Variants in GTF3C3 observed in about 807,000 individuals in gnomAD.
The protein encoded by GTF3C3 is general transcription factor IIIC subunit 3.
A neutral mutation model predicts 105.2 loss-of-function variants in GTF3C3; 75 were observed. The observed-to-expected ratio is 0.71, with a 90% confidence interval of 0.59 to 0.86. The LOEUF is 0.86. GTF3C3 is among the 40% of genes least tolerant of loss of function. The probability of loss-of-function intolerance (pLI) is 0.00; values close to 1 mark genes in which losing one functional copy is unlikely to be tolerated. For synonymous variants in GTF3C3, 335 were observed against 370.4 expected (o/e 0.90, Z 1.10); for missense variants, 856 against 1,076.5 (o/e 0.80, Z 2.87).
intron 13 of GTF3C3, among the ~76,000 whole-genome samples, chr2:196,774,322 T>C (rs1448871035): frequency 6.6e-6 from 1 of 152,234 alleles, no homozygotes; most frequent in African/African-American, 2.4e-5. Flanking sequence ...GATTAAATTA[T>C]GGAACCACTA....
At position 196,764,553 on chromosome 2, in the gene GTF3C3, T is replaced by A. The variant is rs764257822; in HGVS notation, c.*10A>T. On this transcript the variant is annotated 3_prime_UTR_variant, in exon 18 of 18. Coordinates refer to ENST00000263956, the MANE Select transcript of GTF3C3 (RefSeq NM_012086.5). ...GCAGCTGCCATTGCTCTGTTCTCAGTTGCGGTGCTTTATATAGAACAATAG... is the reference window on the plus strand; with the variant it reads ...GCAGCTGCCATTGCTCTGTTCTCAGATGCGGTGCTTTATATAGAACAATAG... The A allele has an allele frequency of 1.2e-6, 2 of 1,612,412 alleles. No individual in the cohort carries two copies. Among genetic ancestry groups the A allele is most frequent in the South Asian group, 2.2e-5 (2 of 90,818 alleles).
chr2:196,766,435 A>T, intron 17 of GTF3C3, 130 bp downstream of exon 17: 1 of 664,492 alleles, frequency 1.5e-6, no homozygotes, highest in Non-Finnish European at 2.5e-6. Flanking sequence ...GAACATAATT[A>T]CGTAAACATA....
chr2:196,797,915 T>C lies in GTF3C3; in HGVS notation c.103-7A>G, dbSNP rs528507997. The C allele has an allele frequency of 4.8e-6, 7 of 1,466,066 alleles. No individual in the cohort carries two copies. In the East Asian group the frequency reaches 1.4e-4, roughly 28 times the overall value. The allele number at this position is 1,466,066 out of a possible 1,614,324, so 90.8% of individuals were successfully genotyped here. Reference sequence around the variant, plus strand: ...TGCCTTTTTCCTGAAGACTCTGTGATTGCAAATTAATTAATGATTCCAAAA... The same window carrying C: ...TGCCTTTTTCCTGAAGACTCTGTGACTGCAAATTAATTAATGATTCCAAAA... On this transcript the variant is annotated splice_region_variant and splice_polypyrimidine_tract_variant and intron_variant, in intron 1 of 17. Transcript: ENST00000263956.
intron 15 of GTF3C3, 50 bp downstream of exon 15, chr2:196,771,698 T>C (rs1160801066): frequency 1.6e-6 from 2 of 1,279,508 alleles, no homozygotes; most frequent in Admixed American, 1.7e-5. Context: ...GAGGCTAGGC[T>C]CTTCACCACA....
chr2:196,771,628 G>T (rs934627911), intron 15 of GTF3C3, 120 bp downstream of exon 15: 1 of 631,200 alleles, frequency 1.6e-6, no homozygotes. Context: ...ACTGAGGCAG[G>T]AGGAGGTAGA....
chr2:196,784,697 A>C (rs939540986), intron 8 of GTF3C3, 160 bp downstream of exon 8: 1 of 612,702 alleles, frequency 1.6e-6, no homozygotes, highest in African/African-American at 2.0e-5. Flanking sequence ...AATACTCACA[A>C]GATATGAAAT....
intron 2 of GTF3C3, among the ~76,000 whole-genome samples, chr2:196,796,390 T>C: frequency 6.6e-6 from 1 of 152,196 alleles, no homozygotes; most frequent in Admixed American, 6.5e-5. Flanking sequence ...AGGCACCCAC[T>C]TGTGCCTGCT....
At chr2:196,772,565 TATAATA>T (rs746463126) in intron 14 of GTF3C3, among the ~76,000 whole-genome samples, 3 of 150,864 alleles carry the variant, frequency 2.0e-5, no homozygotes, top group South Asian at 2.1e-4. Flanking sequence ...TAATAATAAT[TATAATA>T]ATAATAATTG....
intron 10 of GTF3C3, chr2:196,777,618 A>T (rs2125743177): frequency 6.6e-6 from 1 of 152,366 alleles, no homozygotes; most frequent in South Asian, 2.1e-4. Context: ...TGGATGGATC[A>T]TCACAGTGAC....
intron 13 of GTF3C3, chr2:196,773,558 G>A (rs1181056661): frequency 3.2e-6 from 1 of 315,862 alleles, no homozygotes; most frequent in South Asian, 2.8e-5. Context: ...TTTTCCATGG[G>A]CCAGGGCTAA....
chr2:196,770,495 A>T (rs983518275), intron 15 of GTF3C3, among the ~76,000 whole-genome samples: 4 of 152,150 alleles, frequency 2.6e-5, no homozygotes, highest in African/African-American at 9.7e-5. Flanking sequence ...TGTTTTTTAG[A>T]CTACAGGTGT....
intron 15 of GTF3C3, 109 bp from the exon 16 acceptor site, chr2:196,770,148 T>C: frequency 1.1e-6 from 1 of 924,810 alleles, no homozygotes; most frequent in Non-Finnish European, 1.5e-6. Flanking sequence ...AAGGTGGACA[T>C]TCTATCTTAA....
At chr2:196,781,357 A>AAAAAAAAAAAAAAAAAAAATAT in intron 8 of GTF3C3, among the ~76,000 whole-genome samples, 7 of 18,814 alleles carry the variant, frequency 3.7e-4, no homozygotes, top group Non-Finnish European at 8.9e-4. Context: ...AAAAAAAAAA[A>AAAAAAAAAAAAAAAAAAAATAT]ATATATATAT....
intron 17 of GTF3C3, 70 bp from the exon 18 acceptor site, chr2:196,764,755 AAT>A: frequency 2.9e-6 from 4 of 1,390,500 alleles, no homozygotes; most frequent in Non-Finnish European, 4.0e-6. Flanking sequence ...ATGGCAAATT[AAT>A]AGTTTTATAA....
At position 196,797,867 on chromosome 2, in the gene GTF3C3, G is replaced by A. The variant is rs145490474; in HGVS notation, c.144C>T (p.Pro48=). The change falls in exon 2 of 18, where the codon CCC becomes CCT. Residue 48 remains proline (P), a synonymous_variant. Coordinates refer to ENST00000263956, the MANE Select transcript of GTF3C3 (RefSeq NM_012086.5). ...EKGKLSAEEN[P]DDSEVPSSSG... is the part of the protein sequence containing the mutation. ...ATGATGATGGAACTTCAGAGTCATC[G>A]GGATTTTCTTCAGCTGATAACTTGC... 1.6e-5 allele frequency: 25 copies of A among 1,612,074 alleles called. No individual in the cohort carries two copies. Among genetic ancestry groups the A allele is most frequent in the South Asian group, 1.1e-4 (10 of 91,056 alleles).
chr2:196,780,817 T>A, intron 8 of GTF3C3, 155 bp from the exon 9 acceptor site: 1 of 867,948 alleles, frequency 1.2e-6, no homozygotes, highest in South Asian at 2.6e-5. Context: ...TCTCTCTCAG[T>A]CTGTCCTTTG....
chr2:196,798,440 C>T (rs1699685309), intron 1 of GTF3C3, among the ~76,000 whole-genome samples: 1 of 151,972 alleles, frequency 6.6e-6, no homozygotes, highest in South Asian at 2.1e-4. Context: ...AGGAGGACTG[C>T]TTGAGTCCGG....
Position 196,764,498 on chromosome 2 carries a change from C to T in GTF3C3, c.*65G>A. 1 of 1,445,534 alleles carries T rather than the reference C, an allele frequency of 6.9e-7. No homozygotes were observed. The highest frequency in any genetic ancestry group is 9.4e-7 in the Non-Finnish European group (1 of 1,068,068). 89.5% of individuals were successfully genotyped at this position (1,445,534 alleles called of 1,614,324 possible). A position where few individuals can be genotyped will look rare whatever the true frequency, so the allele number is the denominator to read the frequency against. On this transcript the variant is annotated 3_prime_UTR_variant, in exon 18 of 18. Transcript: ENST00000263956. ...TATTTTGGAGTTACAAATAATAAGC[C>T]CTGAGACAGAAGACACTGGTCCTCA...
In GTF3C3 at chr2:196,769,951, C is replaced by T; in HGVS notation, c.2349G>A (p.Gln783=). 6.2e-7 allele frequency: 1 copy of T among 1,606,350 alleles called. No individual in the cohort carries two copies. The highest frequency in any genetic ancestry group is 8.5e-7 in the Non-Finnish European group (1 of 1,176,402). The part of the protein sequence containing the change: ...IGLTFIHMAS[Q]KYVLRRHALI... ...GAGCATGTCTCCGTAACACATACTTCTGAGATGCCATATGAATAAAGGTTA... is the reference window on the plus strand; with the variant it reads ...GAGCATGTCTCCGTAACACATACTTTTGAGATGCCATATGAATAAAGGTTA... Residue 783 remains glutamine, a synonymous_variant, in exon 16 of 18, where the codon CAG becomes CAA. Coordinates refer to ENST00000263956, the MANE Select transcript of GTF3C3 (RefSeq NM_012086.5).
Sources: allele counts gnomAD v4.1 joint callset (sites outside exome capture counted in the v4.1 genomes callset), GRCh38; gene constraint gnomAD v4.1.1; transcripts MANE v1.5; gene names NCBI Gene and HGNC (gene_info 2026-07-23, HGNC 2026-07-21).